The following PKHD1 variants were observed in gnomAD, a reference collection of about 807,000 sequenced individuals.
The protein encoded by PKHD1 is PKHD1 ciliary IPT domain containing fibrocystin/polyductin.
Under a neutral mutation model 412.0 loss-of-function variants are expected in PKHD1, and 291 were observed. That is an observed-to-expected ratio of 0.71 (90% CI 0.64 to 0.78). The LOEUF is 0.78. PKHD1 is among the 30% of genes least tolerant of loss of function. The pLI, the probability that PKHD1 is intolerant of heterozygous loss-of-function variation, is 0.00. For missense variants in PKHD1, 4,825 were observed against 4,950.7 expected (o/e 0.97, Z 0.76); for synonymous variants, 1,777 against 1,821.5 (o/e 0.98, Z 0.62).
chr6:51,648,309 G>A (rs1770400092), intron 62 of PKHD1, among the ~76,000 whole-genome samples, 191 bp from the exon 63 acceptor site: 2 of 152,222 alleles, frequency 1.3e-5, no homozygotes, highest in Non-Finnish European at 2.9e-5. Flanking sequence ...TGTAAGAAGA[G>A]TGAGGAAATT....
chr6:51,643,035 G>A (rs1769580582), intron 63 of PKHD1, among the ~76,000 whole-genome samples: 1 of 152,054 alleles, frequency 6.6e-6, no homozygotes, highest in Admixed American at 6.6e-5. Context: ...AGTATCTGTG[G>A]TAAATATTAC....
At chr6:52,043,521 A>G (rs553339105) in intron 26 of PKHD1, 104 bp downstream of exon 26, 2 of 812,378 alleles carry the variant, frequency 2.5e-6, no homozygotes, top group East Asian at 2.6e-5. Flanking sequence ...TGCCTAATGA[A>G]CTAATTTATC....
chr6:51,620,739 A>G (rs990595589), intron 66 of PKHD1, among the ~76,000 whole-genome samples: 1 of 150,270 alleles, frequency 6.7e-6, no homozygotes, highest in East Asian at 1.9e-4. Context: ...CTTCAATTTA[A>G]TCTGGAAAAT....
In PKHD1 at chr6:51,906,241, T is replaced by C. The variant is rs146102132; in HGVS notation, c.6782A>G (p.Asn2261Ser). Residue 2261 changes from asparagine to serine, a missense_variant, in exon 41 of 67, where the codon AAT becomes AGT. Physicochemically the swap from Asn to Ser is conservative, Grantham distance 46. Coordinates refer to ENST00000371117, the MANE Select transcript of PKHD1 (RefSeq NM_138694.4). ...AACTAGCAGCGCATGACCTAAAATA[T>C]TGTAGAATACATTACTGTCCACCTT... ...GLKVDSNVFY[N>S]ILGHALLVGT... 158 of 1,612,062 alleles carry C rather than the reference T, an allele frequency of 9.8e-5. No individual in the cohort carries two copies. In the African/African-American group the frequency reaches 1.7e-3, roughly 17 times the overall value.
At position 51,853,704 on chromosome 6, in the gene PKHD1, A is replaced by G. The variant is rs545530118; in HGVS notation, c.7911+2189T>C. Among the ~76,000 whole-genome samples, 8 of 152,242 alleles carry G rather than the reference A, an allele frequency of 5.3e-5. No homozygotes were observed. In the East Asian group the frequency reaches 1.5e-3, roughly 29 times the overall value. ...TGATATCCTTTCTTTTACTTGGTCA[A>G]TTCGGCTGTTGATACTTGTGTGTGC... On this transcript the variant is annotated intron_variant, in intron 49 of 66. Coordinates refer to ENST00000371117, the MANE Select transcript of PKHD1 (RefSeq NM_138694.4).
Position 51,801,639 on chromosome 6 carries a change from T to TTGTGTGTGTGTGTGTGTGTG in PKHD1, c.8303-10267_8303-10266insCACACACACACACACACACA, listed in dbSNP as rs140197286. On this transcript the variant is annotated intron_variant, in intron 52 of 66. Transcript: ENST00000371117. ...GAAGAAAAACCATCTGCTGGCCTGA[T>TTGTGTGTGTGTGTGTGTGTG]TGTGTGTGTGTGTGTGAGAGAGAGA... Among the ~76,000 whole-genome samples, 424 of 120,162 alleles carry TTGTGTGTGTGTGTGTGTGTG rather than the reference T, an allele frequency of 3.5e-3. 8 individuals are homozygous for TTGTGTGTGTGTGTGTGTGTG. Among genetic ancestry groups the TTGTGTGTGTGTGTGTGTGTG allele is most frequent in the South Asian group, 5.1e-3 (16 of 3,152 alleles). 78.8% of individuals were successfully genotyped at this position (120,162 alleles called of 152,430 possible). A position where few individuals can be genotyped will look rare whatever the true frequency, so the allele number is the denominator to read the frequency against.
At chr6:51,737,714 T>TTGTG (rs1387717333) in intron 60 of PKHD1, among the ~76,000 whole-genome samples, 1 of 139,390 alleles carries the variant, frequency 7.2e-6, no homozygotes, top group Non-Finnish European at 1.5e-5. Flanking sequence ...CACTTATTGT[T>TTGTG]TGTGTGTGTG....
At chr6:51,786,192 G>A (rs1291436238) in intron 53 of PKHD1, among the ~76,000 whole-genome samples, 4 of 152,102 alleles carry the variant, frequency 2.6e-5, no homozygotes, top group Non-Finnish European at 5.9e-5. Context: ...CATTGGCCCA[G>A]ATCTCCCAAC....
At position 51,886,057 on chromosome 6, in the gene PKHD1, G is replaced by A. The variant is rs548833527; in HGVS notation, c.7110-85C>T. The A allele has an allele frequency of 2.2e-4, 182 of 844,866 alleles. No individual in the cohort carries two copies. The African/African-American group carries it at 2.8e-3, about 13-fold the overall frequency. 52.3% of individuals were successfully genotyped at this position (844,866 alleles called of 1,614,324 possible). The stretch of plus-strand genomic sequence containing the variant: ...TCTTGTTGAAAAATACAAAGTAAAA[G>A]TAATGTATTAGGGAGAATGAAGGTA... On this transcript the variant is annotated intron_variant, in intron 44 of 66. Transcript: ENST00000371117.
intron 37 of PKHD1, among the ~76,000 whole-genome samples, chr6:51,920,426 A>G (rs1397683790): frequency 6.6e-6 from 1 of 152,112 alleles, no homozygotes; most frequent in Non-Finnish European, 1.5e-5. Context: ...GCTGGATTAC[A>G]TTTATTGATT....
intron 60 of PKHD1, among the ~76,000 whole-genome samples, chr6:51,733,879 C>A (rs1422072846): frequency 1.3e-5 from 2 of 152,104 alleles, no homozygotes; most frequent in African/African-American, 4.8e-5. Flanking sequence ...ATATAGGCAG[C>A]CTTAAAAGGG....
intron 55 of PKHD1, among the ~76,000 whole-genome samples, chr6:51,767,699 C>T (rs1789345833): frequency 6.6e-6 from 1 of 151,822 alleles, no homozygotes; most frequent in South Asian, 2.1e-4. Flanking sequence ...GCCACGTTTT[C>T]TTAATCCAGA....
At chr6:51,731,203 C>T (rs1783195835) in intron 60 of PKHD1, among the ~76,000 whole-genome samples, 1 of 151,668 alleles carries the variant, frequency 6.6e-6, no homozygotes, top group Non-Finnish European at 1.5e-5. Context: ...TCAATGAAGT[C>T]CTTGAAATAA....
intron 37 of PKHD1, among the ~76,000 whole-genome samples, chr6:51,917,022 T>A (rs568022750): frequency 6.6e-6 from 1 of 152,120 alleles, no homozygotes; most frequent in Admixed American, 6.6e-5. Context: ...TCTTACTAAA[T>A]GGGCATGGAG....
intron 35 of PKHD1, among the ~76,000 whole-genome samples, chr6:51,961,887 G>C (rs191957077): frequency 6.6e-5 from 10 of 152,134 alleles, no homozygotes; most frequent in African/African-American, 2.2e-4. Flanking sequence ...GTGTTCCTTA[G>C]AGCTTAATAA....
At chr6:51,997,874 T>C (rs1249592637) in intron 35 of PKHD1, among the ~76,000 whole-genome samples, 1 of 152,216 alleles carries the variant, frequency 6.6e-6, no homozygotes, top group Non-Finnish European at 1.5e-5. Flanking sequence ...TTCTGCCTAA[T>C]GGTTCCATCT....
At chr6:51,710,588 T>C (rs986283000) in intron 60 of PKHD1, among the ~76,000 whole-genome samples, 1 of 152,174 alleles carries the variant, frequency 6.6e-6, no homozygotes, top group Non-Finnish European at 1.5e-5. Context: ...CTCTAAATAG[T>C]GTTTTGCCAC....
At position 51,676,368 on chromosome 6, in the gene PKHD1, C is replaced by CA. The variant is rs1203379672; in HGVS notation, c.10157-16400dup. ...AATCCTTCCATATTTCTGTTTTCAA[C>CA]AAAAAAGAAAAATTTATATGTTTAA... On this transcript the variant is annotated intron_variant, in intron 60 of 66. Coordinates refer to ENST00000371117, the MANE Select transcript of PKHD1 (RefSeq NM_138694.4). 6.6e-5 allele frequency among the ~76,000 whole-genome samples: 10 copies of CA among 151,358 alleles called. No individual in the cohort carries two copies. The South Asian group carries it at 8.3e-4, about 13-fold the overall frequency.
chr6:51,956,348 TAAG>T (rs1174149951), intron 36 of PKHD1, among the ~76,000 whole-genome samples: 1 of 151,738 alleles, frequency 6.6e-6, no homozygotes, highest in African/African-American at 2.4e-5. Flanking sequence ...TGAGAACAAC[TAAG>T]GACAGTGAAA....
Sources: allele counts gnomAD v4.1 joint callset (sites outside exome capture counted in the v4.1 genomes callset), GRCh38; gene constraint gnomAD v4.1.1; transcripts MANE v1.5; gene names NCBI Gene and HGNC (gene_info 2026-07-23, HGNC 2026-07-21).